The following WDR19 variants were observed in gnomAD, a reference collection of about 807,000 sequenced individuals.
The protein encoded by WDR19 is WD repeat-containing protein 19.
In WDR19, 121 loss-of-function variants were observed where a neutral mutation model predicts 180.0. The observed-to-expected ratio is 0.67, with a 90% CI of 0.58 to 0.78. WDR19 has a LOEUF of 0.78. WDR19 is among the 30% of genes least tolerant of loss of function. The pLI is 0.00. For missense variants in WDR19, 1,450 were observed against 1,640.7 expected (o/e 0.88, Z 2.01); for synonymous variants, 497 against 540.7 (o/e 0.92, Z 1.12).
In WDR19 at chr4:39,205,595, C is replaced by A; in HGVS notation, c.749C>A (p.Ser250Ter). 3 of 1,613,342 alleles carry A rather than the reference C, an allele frequency of 1.9e-6. No homozygotes were observed. The highest frequency in any genetic ancestry group is 2.5e-6 in the Non-Finnish European group (3 of 1,179,654). The change falls in exon 9 of 37, where the codon TCA (serine) becomes TAA (stop). Residue 250 changes from serine (S) to a stop codon, truncating the protein, a stop_gained. Coordinates refer to ENST00000399820, the MANE Select transcript of WDR19 (RefSeq NM_025132.4). LOFTEE classifies it high-confidence loss of function. ...GATGGCCGCATCATGATTGGTTTTTCATGTGGACATTTTGTGGTCATTTCT... is the reference window on the plus strand; with the variant it reads ...GATGGCCGCATCATGATTGGTTTTTAATGTGGACATTTTGTGGTCATTTCT... ...YGDGRIMIGF[S>*]CGHFVVISTH... is the part of the protein sequence containing the mutation.
chr4:39,253,433 G>A (rs1733443816), intron 25 of WDR19, 141 bp downstream of exon 25: 1 of 973,856 alleles, frequency 1.0e-6, no homozygotes, highest in Non-Finnish European at 1.5e-6. Context: ...TAAATTCAAA[G>A]GCTGTCGTGG....
chr4:39,211,959 G>T (rs1728568492), intron 9 of WDR19, among the ~76,000 whole-genome samples: 1 of 146,570 alleles, frequency 6.8e-6, no homozygotes, highest in African/African-American at 2.7e-5. Flanking sequence ...GAGAGAGAGA[G>T]AGAGAGAGAG....
intron 5 of WDR19, among the ~76,000 whole-genome samples, chr4:39,199,255 G>C (rs373425433): frequency 2.6e-5 from 4 of 152,170 alleles, no homozygotes; most frequent in Admixed American, 2.0e-4. Flanking sequence ...TTTTACATTA[G>C]GGCTTATATC....
chr4:39,214,919 C>T (rs898620421), intron 10 of WDR19, among the ~76,000 whole-genome samples: 4 of 151,868 alleles, frequency 2.6e-5, no homozygotes, highest in African/African-American at 7.3e-5. Context: ...ATTACAGGCA[C>T]GTGCCACCAC....
chr4:39,208,427 C>T (rs1344338558), intron 9 of WDR19, among the ~76,000 whole-genome samples: 3 of 151,620 alleles, frequency 2.0e-5, no homozygotes, highest in Non-Finnish European at 2.9e-5. Context: ...CTACCTCAGC[C>T]TCCCAAGTAG....
intron 36 of WDR19, among the ~76,000 whole-genome samples, chr4:39,283,957 T>C (rs1736856723): frequency 6.6e-6 from 1 of 152,212 alleles, no homozygotes; most frequent in South Asian, 2.1e-4. Context: ...CAAACTTCAT[T>C]GTTCCCCTGC....
Position 39,186,551 on chromosome 4 carries a change from T to C in WDR19, c.111T>C (p.Ile37=). The C allele has an allele frequency of 6.3e-7, 1 of 1,584,894 alleles. No individual in the cohort carries two copies. Among genetic ancestry groups the C allele is most frequent in the Non-Finnish European group, 8.6e-7 (1 of 1,168,612 alleles). Residue 37 remains isoleucine (I), a synonymous_variant, in exon 3 of 37, where the codon ATT becomes ATC. Transcript: ENST00000399820. The part of the protein sequence containing the change: ...NYLAVTGADY[I]VKIFDRHGQK... ...TGATTGCTTTCAGAGCTGATTATAT[T>C]GTGAAAATCTTTGATCGCCATGGTC... is the stretch of plus-strand genomic sequence containing the variant.
intron 1 of WDR19, 147 bp from the exon 2 acceptor site, chr4:39,185,579 T>C: frequency 1.5e-6 from 1 of 656,614 alleles, no homozygotes. Flanking sequence ...ATTTCTTTTG[T>C]TGTTAACTTC....
At chr4:39,258,507 A>G (rs1160554649) in intron 28 of WDR19, among the ~76,000 whole-genome samples, 2 of 152,134 alleles carry the variant, frequency 1.3e-5, no homozygotes, top group Non-Finnish European at 2.9e-5. Context: ...TGACTGTACT[A>G]CAATTTATTT....
At position 39,274,802 on chromosome 4, in the gene WDR19, T is replaced by A. The variant is rs766279512; in HGVS notation, c.3566-6T>A. On this transcript the variant is annotated splice_polypyrimidine_tract_variant and splice_region_variant and intron_variant, in intron 32 of 36. Coordinates refer to ENST00000399820, the MANE Select transcript of WDR19 (RefSeq NM_025132.4). ...GCTGTTGCTGCTCTCCCCTTTTCTC[T>A]TGCAGACATTGTACCCATCCTGACG... 6.2e-7 allele frequency: 1 copy of A among 1,610,028 alleles called. No individual in the cohort carries two copies. The highest frequency in any genetic ancestry group is 8.5e-7 in the Non-Finnish European group (1 of 1,176,550).
intron 21 of WDR19, among the ~76,000 whole-genome samples, chr4:39,241,510 A>AAAAAAG (rs57210729): frequency 6.7e-6 from 1 of 150,006 alleles, no homozygotes. Context: ...AAAAAAAAAA[A>AAAAAAG]GTGGGTCCGG....
At chr4:39,269,171 G>A (rs145742412) in intron 30 of WDR19, among the ~76,000 whole-genome samples, 7 of 152,248 alleles carry the variant, frequency 4.6e-5, no homozygotes, top group East Asian at 1.9e-4. Context: ...CGCAGAGGCC[G>A]ATCCTGAAGG....
In WDR19 at chr4:39,232,404, C is replaced by T. The variant is rs376614669; in HGVS notation, c.2253+132C>T. ...CTTTGGGAGGCCAAGGTGGATGGAT[C>T]GCCTGAGGTCAGAAGTCCTAGACCA... On this transcript the variant is annotated intron_variant, in intron 19 of 36. Coordinates refer to ENST00000399820, the MANE Select transcript of WDR19 (RefSeq NM_025132.4). The T allele has an allele frequency of 2.2e-4, 149 of 686,718 alleles. No homozygotes were observed. The African/African-American group carries it at 2.3e-3, about 11-fold the overall frequency. 42.5% of individuals were successfully genotyped at this position (686,718 alleles called of 1,614,324 possible). A position where few individuals can be genotyped will look rare whatever the true frequency, so the allele number is the denominator to read the frequency against.
chr4:39,217,074 A>G, intron 12 of WDR19, 60 bp from the exon 13 acceptor site: 1 of 1,156,890 alleles, frequency 8.6e-7, no homozygotes. Flanking sequence ...ATTATTTGCA[A>G]GTAGGTATGA....
intron 35 of WDR19, 81 bp from the exon 36 acceptor site, chr4:39,278,458 G>T (rs1736130558): frequency 8.9e-7 from 1 of 1,119,448 alleles, no homozygotes; most frequent in East Asian, 2.5e-5. Context: ...ACAGAAAGTT[G>T]TTGTCTTTCT....
At chr4:39,240,359 T>C in intron 21 of WDR19, 25 bp downstream of exon 21, 1 of 1,319,282 alleles carries the variant, frequency 7.6e-7, no homozygotes, top group Non-Finnish European at 1.0e-6. Flanking sequence ...AGATAAGATA[T>C]GCCTAATTAT....
At chr4:39,269,421 G>C (rs1053034816) in intron 30 of WDR19, among the ~76,000 whole-genome samples, 1 of 152,184 alleles carries the variant, frequency 6.6e-6, no homozygotes, top group Non-Finnish European at 1.5e-5. Flanking sequence ...GAGACTGAGA[G>C]TTATACTCAG....
chr4:39,277,030 A>G lies in WDR19; in HGVS notation c.3727A>G (p.Ile1243Val), dbSNP rs2109521486. 1.2e-6 allele frequency: 2 copies of G among 1,613,328 alleles called. No individual in the cohort carries two copies. The highest frequency in any genetic ancestry group is 1.7e-6 in the Non-Finnish European group (2 of 1,179,720). The part of the protein sequence containing the change: ...KIEGMVRRPD[I>V]SEIEEATTPC... ...GATTCTTCCTCACAGGAGACCCGAT[A>G]TATCTGAGATAGAAGAGGCCACGAC... The change falls in exon 34 of 37, where the codon ATA becomes GTA. Residue 1243 changes from isoleucine (I) to valine (V), a missense_variant. Transcript: ENST00000399820.
chr4:39,267,032 G>A (rs1469259970), intron 29 of WDR19, among the ~76,000 whole-genome samples: 2 of 152,212 alleles, frequency 1.3e-5, no homozygotes, highest in Non-Finnish European at 1.5e-5. Context: ...GCAGTGAACC[G>A]AGATTGTGCC....
Sources: allele counts gnomAD v4.1 joint callset (sites outside exome capture counted in the v4.1 genomes callset), GRCh38; gene constraint gnomAD v4.1.1; transcripts MANE v1.5; gene names NCBI Gene and HGNC (gene_info 2026-07-23, HGNC 2026-07-21).